SHISA9: variants seen among roughly 807,000 people sequenced by gnomAD.
SHISA9 encodes protein shisa-9.
SHISA9 carries 13 observed loss-of-function variants against 38.0 expected under a neutral mutation model. The ratio of observed to expected loss-of-function variants is 0.34; its 90% CI spans 0.22 to 0.54. The LOEUF (loss-of-function observed/expected upper bound fraction) is 0.54, where lower values mean the gene tolerates loss of function less well. Among genes scored for constraint, SHISA9 ranks in the 20% least tolerant of loss-of-function variants. The pLI is 0.91. For synonymous variants in SHISA9, 275 were observed against 242.0 expected (o/e 1.14, Z -1.27); for missense variants, 538 against 575.8 (o/e 0.93, Z 0.67).
chr16:13,346,869 G>A, the SHISA9 span, among the ~76,000 whole-genome samples: 2 of 152,132 alleles, frequency 1.3e-5, no homozygotes, highest in African/African-American at 4.8e-5. Flanking sequence ...AAATATGGTG[G>A]TGCTTGCGTG....
At chr16:13,108,248 C>G (rs1018032895) in intron 2 of SHISA9, among the ~76,000 whole-genome samples, 1 of 152,120 alleles carries the variant, frequency 6.6e-6, no homozygotes, top group Admixed American at 6.5e-5. Flanking sequence ...CCTACCTCAC[C>G]TTTTCGAGTA....
chr16:13,383,629 A>T, the SHISA9 span, among the ~76,000 whole-genome samples: 1 of 152,126 alleles, frequency 6.6e-6, no homozygotes, highest in Admixed American at 6.6e-5. Context: ...AGCCACAATT[A>T]TGTTTGCACC....
chr16:13,243,692 C>G (rs577050076), downstream of SHISA9, among the ~76,000 whole-genome samples: 19 of 151,506 alleles, frequency 1.3e-4, no homozygotes, highest in South Asian at 1.0e-3. Flanking sequence ...TGAGGCATGT[C>G]CGACCCCCAC....
At chr16:13,131,458 G>A (rs2050306176) in intron 2 of SHISA9, among the ~76,000 whole-genome samples, 2 of 152,030 alleles carry the variant, frequency 1.3e-5, no homozygotes, top group South Asian at 4.2e-4. Context: ...ACACACTGGG[G>A]CCTGTTGTAG....
At chr16:13,116,310 C>G (rs1452401018) in intron 2 of SHISA9, among the ~76,000 whole-genome samples, 2 of 152,160 alleles carry the variant, frequency 1.3e-5, no homozygotes, top group African/African-American at 4.8e-5. Flanking sequence ...GCCCCAGGTT[C>G]TCATTCATGG....
At chr16:13,251,470 G>C in the SHISA9 span, among the ~76,000 whole-genome samples, 1 of 152,142 alleles carries the variant, frequency 6.6e-6, no homozygotes, top group African/African-American at 2.4e-5. Flanking sequence ...AAGTGTGAGA[G>C]GGTTAACACA....
the SHISA9 span, among the ~76,000 whole-genome samples, chr16:13,257,585 C>T: frequency 2.0e-5 from 3 of 152,118 alleles, no homozygotes; most frequent in Admixed American, 6.5e-5. Context: ...TTGTAAAGTA[C>T]GGGAATGTTG....
chr16:13,460,214 G>T, the SHISA9 span, among the ~76,000 whole-genome samples: 29 of 152,268 alleles, frequency 1.9e-4, no homozygotes, highest in Non-Finnish European at 4.0e-4. Flanking sequence ...TCTGGGAGAT[G>T]GGGGTCTATA....
rs1419511602 is a variant in SHISA9 at position 12,966,509 on chromosome 16, C to T, written c.691+49694C>T. On this transcript the variant is annotated intron_variant, in intron 2 of 4. Transcript: ENST00000558583. ...GGATCAAGCAATCTTCCTGCCTCAGCCTCCCAAAGTGTTGTGATTACAGGT... is the reference window on the plus strand; with the variant it reads ...GGATCAAGCAATCTTCCTGCCTCAGTCTCCCAAAGTGTTGTGATTACAGGT... Among the ~76,000 whole-genome samples the T allele has an allele frequency of 2.0e-5, 3 of 152,182 alleles. No homozygotes were observed. In the East Asian group the frequency reaches 5.8e-4, roughly 29 times the overall value.
chr16:13,428,896 G>A, the SHISA9 span, among the ~76,000 whole-genome samples: 1 of 151,820 alleles, frequency 6.6e-6, no homozygotes, highest in African/African-American at 2.4e-5. Flanking sequence ...CTCCTGAGTA[G>A]CTGGGATTAC....
At chr16:13,232,412 A>G (rs1455259782) in intron 4 of SHISA9, among the ~76,000 whole-genome samples, 1 of 152,246 alleles carries the variant, frequency 6.6e-6, no homozygotes, top group Non-Finnish European at 1.5e-5. Flanking sequence ...CGTTCTGCAC[A>G]TGTATCCCAG....
chr16:13,019,661 G>A (rs1322625877), intron 2 of SHISA9, among the ~76,000 whole-genome samples: 4 of 151,814 alleles, frequency 2.6e-5, no homozygotes, highest in South Asian at 4.2e-4. Flanking sequence ...TTGGTACATA[G>A]GTAAACTTGT....
At chr16:13,356,047 G>A in the SHISA9 span, among the ~76,000 whole-genome samples, 1 of 152,220 alleles carries the variant, frequency 6.6e-6, no homozygotes, top group Admixed American at 6.5e-5. Context: ...TCCTGTGGGA[G>A]GAGGTTCTGG....
chr16:13,508,916 T>C, the SHISA9 span, among the ~76,000 whole-genome samples: 1 of 152,176 alleles, frequency 6.6e-6, no homozygotes, highest in Non-Finnish European at 1.5e-5. Context: ...TACAAAATGA[T>C]TGCTACCTGT....
the SHISA9 span, among the ~76,000 whole-genome samples, chr16:13,425,229 C>T: frequency 3.9e-5 from 6 of 151,926 alleles, no homozygotes; most frequent in African/African-American, 1.5e-4. Context: ...TGCGGTGGCT[C>T]ACACCTGTAA....
intron 2 of SHISA9, among the ~76,000 whole-genome samples, chr16:12,930,159 C>T (rs981044335): frequency 6.6e-6 from 1 of 152,216 alleles, no homozygotes; most frequent in Non-Finnish European, 1.5e-5. Context: ...ACTGTATTCC[C>T]AGTGCCTAGA....
At chr16:13,299,253 C>G in the SHISA9 span, among the ~76,000 whole-genome samples, 1 of 152,244 alleles carries the variant, frequency 6.6e-6, no homozygotes, top group Non-Finnish European at 1.5e-5. Flanking sequence ...CTTGTACAGA[C>G]AGTCACTGCT....
chr16:13,346,162 T>C, the SHISA9 span, among the ~76,000 whole-genome samples: 1 of 152,214 alleles, frequency 6.6e-6, no homozygotes, highest in Admixed American at 6.5e-5. Flanking sequence ...CCATGCTCCA[T>C]GTCCATGCAT....
chr16:13,055,707 G>T (rs927092231), intron 2 of SHISA9, among the ~76,000 whole-genome samples: 12 of 152,166 alleles, frequency 7.9e-5, no homozygotes, highest in Non-Finnish European at 1.5e-4. Context: ...TGGAGGCTGT[G>T]TGCCACCCAG....
Sources: allele counts gnomAD v4.1 joint callset (sites outside exome capture counted in the v4.1 genomes callset), GRCh38; gene constraint gnomAD v4.1.1; transcripts MANE v1.5; gene names NCBI Gene and HGNC (gene_info 2026-07-23, HGNC 2026-07-21).